IGSF21: variants seen among roughly 807,000 people sequenced by gnomAD.
The protein encoded by IGSF21 is immunoglobin superfamily member 21.
In IGSF21, 28 loss-of-function variants were observed where a neutral mutation model predicts 46.8. The ratio of observed to expected loss-of-function variants is 0.60; its 90% CI spans 0.44 to 0.82. The LOEUF (loss-of-function observed/expected upper bound fraction) is 0.82, where lower values mean the gene tolerates loss of function less well. IGSF21 is among the 40% of genes least tolerant of loss of function. The pLI is 0.00. For missense variants in IGSF21, 624 were observed against 665.5 expected, an observed-to-expected ratio of 0.94 and a Z score of 0.69; for synonymous variants, 284 against 273.6, an observed-to-expected ratio of 1.04 and a Z score of -0.38.
intron 2 of IGSF21, among the ~76,000 whole-genome samples, chr1:18,257,700 C>T (rs2124533435): frequency 6.6e-6 from 1 of 152,328 alleles, no homozygotes. Flanking sequence ...TGCATGCCTA[C>T]TGTGCACCAG....
intron 4 of IGSF21, among the ~76,000 whole-genome samples, chr1:18,341,583 C>T (rs966303703): frequency 3.9e-4 from 60 of 152,278 alleles, no homozygotes; most frequent in African/African-American, 1.4e-3. Context: ...TGTGTTAACT[C>T]ACTGAACACT....
chr1:18,223,824 G>A (rs1182263269), intron 1 of IGSF21, among the ~76,000 whole-genome samples: 1 of 152,160 alleles, frequency 6.6e-6, no homozygotes, highest in Non-Finnish European at 1.5e-5. Context: ...CAGGCAAGGA[G>A]TTTTAGTCCT....
At chr1:18,277,137 G>C (rs936317428) in intron 2 of IGSF21, among the ~76,000 whole-genome samples, 1 of 152,192 alleles carries the variant, frequency 6.6e-6, no homozygotes, top group Non-Finnish European at 1.5e-5. Context: ...TCTGCATTGT[G>C]CAGAACAAAG....
intron 2 of IGSF21, among the ~76,000 whole-genome samples, chr1:18,228,276 A>G (rs1263234288): frequency 6.6e-6 from 1 of 152,174 alleles, no homozygotes; most frequent in Admixed American, 6.5e-5. Flanking sequence ...TAGGCAAAGT[A>G]GAAGTTACTG....
In IGSF21 at chr1:18,290,674, T is replaced by C. The variant is rs1462293631; in HGVS notation, c.184-1192T>C. On this transcript the variant is annotated intron_variant, in intron 2 of 9. Transcript: ENST00000251296. This position sits in a 1 kb window ranked among gnomAD's most constrained non-coding sequence, Gnocchi z 4.2. ...GTCCAAGTCAGCTTGGGTACATATG[T>C]GTCCAGAGGAGCCCAGCTGTGTCTA... Among the ~76,000 whole-genome samples the C allele has an allele frequency of 6.6e-6, 1 of 152,186 alleles. No individual in the cohort carries two copies. The highest frequency in any genetic ancestry group is 2.4e-5 in the African/African-American group (1 of 41,458).
At chr1:18,245,905 G>C (rs547619508) in intron 2 of IGSF21, among the ~76,000 whole-genome samples, 1 of 152,280 alleles carries the variant, frequency 6.6e-6, no homozygotes, top group African/African-American at 2.4e-5. Flanking sequence ...CCTCCTGACC[G>C]ATGACTCTCC....
At chr1:18,108,715 G>T (rs925320269) in intron 1 of IGSF21, among the ~76,000 whole-genome samples, 3 of 151,964 alleles carry the variant, frequency 2.0e-5, no homozygotes, top group African/African-American at 7.3e-5. Context: ...GTGTTAGGGG[G>T]TGGGTATGTG....
chr1:18,346,346 T>C (rs528986586), intron 4 of IGSF21, among the ~76,000 whole-genome samples: 3 of 152,040 alleles, frequency 2.0e-5, no homozygotes, highest in Non-Finnish European at 4.4e-5. Flanking sequence ...AAACTGAAGG[T>C]AATCATGCTT....
chr1:18,140,392 C>G (rs2086404381), intron 1 of IGSF21, among the ~76,000 whole-genome samples: 1 of 152,188 alleles, frequency 6.6e-6, no homozygotes, highest in South Asian at 2.1e-4. Context: ...GGGTCACTTC[C>G]CGAATAAGCT....
chr1:18,131,305 C>T (rs989824416), intron 1 of IGSF21, among the ~76,000 whole-genome samples: 1 of 152,172 alleles, frequency 6.6e-6, no homozygotes, highest in African/African-American at 2.4e-5. Context: ...ATGAAGACAT[C>T]GCTTTTCCAT....
At position 18,290,646 on chromosome 1, in the gene IGSF21, G is replaced by A. The variant is rs2085256323; in HGVS notation, c.184-1220G>A. The stretch of plus-strand genomic sequence containing the variant: ...GCAACACCACCTAGGTCAGAGAGAT[G>A]TGGTCCAAGTCAGCTTGGGTACATA... On this transcript the variant is annotated intron_variant, in intron 2 of 9. Transcript: ENST00000251296. This position sits in a 1 kb window ranked among gnomAD's most constrained non-coding sequence, Gnocchi z 4.2. 1.3e-5 allele frequency among the ~76,000 whole-genome samples: 2 copies of A among 152,212 alleles called. No individual in the cohort carries two copies. The highest frequency in any genetic ancestry group is 2.1e-4 in the South Asian group (1 of 4,838).
chr1:18,190,568 G>A (rs1327311575), intron 1 of IGSF21, among the ~76,000 whole-genome samples: 3 of 152,204 alleles, frequency 2.0e-5, no homozygotes, highest in Non-Finnish European at 2.9e-5. Flanking sequence ...ACGTGGGGCC[G>A]ATAAGCCTGT....
intron 4 of IGSF21, among the ~76,000 whole-genome samples, chr1:18,347,489 T>C (rs2085906382): frequency 6.6e-6 from 1 of 152,200 alleles, no homozygotes; most frequent in Non-Finnish European, 1.5e-5. Context: ...CATATGGACC[T>C]CTGGATCAAG....
chr1:18,284,824 C>T (rs1366833825), intron 2 of IGSF21, among the ~76,000 whole-genome samples: 6 of 152,242 alleles, frequency 3.9e-5, no homozygotes, highest in Non-Finnish European at 7.3e-5. Flanking sequence ...GGAAGCTGTG[C>T]TGGGCTGACA....
rs55775011 is a variant in IGSF21, at chr1:18,232,209, C to CTTTTTTTT, written c.183+4200_183+4207dup. 3.8e-4 allele frequency among the ~76,000 whole-genome samples: 40 copies of CTTTTTTTT among 105,024 alleles called. 13 individuals are homozygous for CTTTTTTTT. Among genetic ancestry groups the CTTTTTTTT allele is most frequent in the Non-Finnish European group, 6.0e-4 (31 of 51,832 alleles). The allele number at this position is 105,024 out of a possible 152,430, so 68.9% of individuals were successfully genotyped here. On this transcript the variant is annotated intron_variant, in intron 2 of 9. Transcript: ENST00000251296. ...GCTCATATAGATAAGCTCCAGACAG[C>CTTTTTTTT]TTTTTTTTGGCTAATAGAGTAGGGG...
chr1:18,255,163 C>T (rs997945762), intron 2 of IGSF21, among the ~76,000 whole-genome samples: 5 of 152,186 alleles, frequency 3.3e-5, no homozygotes, highest in Non-Finnish European at 7.3e-5. Context: ...TGTCCCAGCA[C>T]CTGGATTACA....
chr1:18,174,268 C>T (rs1161380645), intron 1 of IGSF21, among the ~76,000 whole-genome samples: 7 of 152,168 alleles, frequency 4.6e-5, no homozygotes, highest in African/African-American at 1.7e-4. Context: ...CACCCCACCC[C>T]CGAGGCGTTG....
intron 2 of IGSF21, among the ~76,000 whole-genome samples, chr1:18,282,826 C>T (rs1490193485): frequency 6.6e-6 from 1 of 152,190 alleles, no homozygotes; most frequent in Non-Finnish European, 1.5e-5. Flanking sequence ...CCTGTGAGAC[C>T]TCCTGGTCTT....
Position 18,108,072 on chromosome 1 carries a change from C to A in IGSF21, c.-57C>A. 1 of 850,084 alleles carries A rather than the reference C, an allele frequency of 1.2e-6. No individual in the cohort carries two copies. The highest frequency in any genetic ancestry group is 1.7e-6 in the Non-Finnish European group (1 of 603,844). The allele number at this position is 850,084 out of a possible 1,614,324, so 52.7% of individuals were successfully genotyped here. A position where few individuals can be genotyped will look rare whatever the true frequency, so the allele number is the denominator to read the frequency against. The stretch of plus-strand genomic sequence containing the variant: ...GCGTCTGAGCCCATGGCGAGGGGAC[C>A]CGCCGCCACCGCCTCCACCCCCGCC... On this transcript the variant is annotated 5_prime_UTR_variant, in exon 1 of 10. Coordinates refer to ENST00000251296, the MANE Select transcript of IGSF21 (RefSeq NM_032880.5).
Sources: allele counts gnomAD v4.1 joint callset (sites outside exome capture counted in the v4.1 genomes callset), GRCh38; gene constraint gnomAD v4.1.1; non-coding constraint Gnocchi (gnomAD v3.1); transcripts MANE v1.5; gene names NCBI Gene and HGNC (gene_info 2026-07-23, HGNC 2026-07-21).